Variants in RTN4RL1 observed in about 807,000 individuals in gnomAD.
The protein encoded by RTN4RL1 is reticulon-4 receptor-like 1.
RTN4RL1 carries 7 observed loss-of-function variants against 25.6 expected under a neutral mutation model. The ratio of observed to expected loss-of-function variants is 0.27; its 90% CI spans 0.16 to 0.51. The LOEUF (loss-of-function observed/expected upper bound fraction) is 0.51, where lower values mean the gene tolerates loss of function less well. Among genes scored for constraint, RTN4RL1 ranks in the 20% least tolerant of loss-of-function variants. RTN4RL1 has a pLI of 0.97. For synonymous variants in RTN4RL1, 297 were observed against 288.2 expected (o/e 1.03, Z -0.31); for missense variants, 500 against 615.6 (o/e 0.81, Z 1.99).
In RTN4RL1 at chr17:1,968,391, G is replaced by C. The variant is rs140895085; in HGVS notation, c.14-30583C>G. Among the ~76,000 whole-genome samples, 319 of 152,176 alleles carry C rather than the reference G, an allele frequency of 2.1e-3. 2 individuals carry two copies. The highest frequency in any genetic ancestry group is 7.3e-3 in the African/African-American group (302 of 41,518). ...CCAAGTCCCATAGCTCGGGCCGGCC[G>C]TCCTCTCTCCTGACAGATCAGCTGC... On this transcript the variant is annotated intron_variant, in intron 1 of 1. Transcript: ENST00000331238.
chr17:2,017,903 C>G (rs2067147492), intron 1 of RTN4RL1: 1 of 152,352 alleles, frequency 6.6e-6, no homozygotes, highest in Non-Finnish European at 1.5e-5. Flanking sequence ...GGATTCCACG[C>G]TCCTGCACCC....
intron 1 of RTN4RL1, among the ~76,000 whole-genome samples, chr17:2,014,458 T>G (rs1330318488): frequency 2.0e-5 from 3 of 152,168 alleles, no homozygotes; most frequent in African/African-American, 7.2e-5. Context: ...AGTTGAGACC[T>G]GAGGATGGGA....
In RTN4RL1 at chr17:1,980,926, C is replaced by CAAA. The variant is rs71723916; in HGVS notation, c.14-43121_14-43119dup. 8.3e-3 allele frequency among the ~76,000 whole-genome samples: 722 copies of CAAA among 86,834 alleles called. 13 individuals carry two copies. The highest frequency in any genetic ancestry group is 0.03 in the South Asian group (63 of 2,110). 57.0% of individuals were successfully genotyped at this position (86,834 alleles called of 152,430 possible). On this transcript the variant is annotated intron_variant, in intron 1 of 1. Coordinates refer to ENST00000331238, the MANE Select transcript of RTN4RL1 (RefSeq NM_178568.4). ...TGGGCCACAGAGTGAGATTCTATCT[C>CAAA]AAAAAAAAAAAAAAAAAAAAGAAGT... is the stretch of plus-strand genomic sequence containing the variant.
intron 1 of RTN4RL1, among the ~76,000 whole-genome samples, chr17:1,968,123 G>C (rs1597500522): frequency 6.6e-6 from 1 of 152,250 alleles, no homozygotes; most frequent in South Asian, 2.1e-4. Context: ...ACCGTGACCT[G>C]TGCATATACT....
intron 1 of RTN4RL1, among the ~76,000 whole-genome samples, chr17:1,984,358 G>A (rs773092535): frequency 1.5e-4 from 23 of 152,156 alleles, no homozygotes; most frequent in Non-Finnish European, 2.6e-4. Context: ...TATCCCAGCC[G>A]CTGCTGCTTC....
At chr17:1,959,355 T>G (rs183763535) in intron 1 of RTN4RL1, among the ~76,000 whole-genome samples, 1 of 152,208 alleles carries the variant, frequency 6.6e-6, no homozygotes, top group African/African-American at 2.4e-5. Context: ...CTGGACACAG[T>G]TGGCCCTCCC....
chr17:1,953,044 T>C (rs1162487325), intron 1 of RTN4RL1, among the ~76,000 whole-genome samples: 1 of 151,490 alleles, frequency 6.6e-6, no homozygotes, highest in Non-Finnish European at 1.5e-5. Flanking sequence ...GCCACTGTAT[T>C]CTGGGTGACA....
chr17:1,937,123 G>C lies in RTN4RL1; in HGVS notation c.699C>G (p.Leu233=), dbSNP rs1337613779. 1.2e-6 allele frequency: 2 copies of C among 1,610,548 alleles called. No homozygotes were observed. Among genetic ancestry groups the C allele is most frequent in the Non-Finnish European group, 1.7e-6 (2 of 1,178,882 alleles). ...CCAGGCACTCACCCTGCAGCTCCGA[G>C]AGGCTGTTGTTGAAGAGGAAGAGGG... ...LTTLFLFNNS[L]SELQGECLAP... Residue 233 remains leucine (L), a synonymous_variant, in exon 2 of 2, where the codon CTC becomes CTG. Coordinates refer to ENST00000331238, the MANE Select transcript of RTN4RL1 (RefSeq NM_178568.4).
chr17:1,988,201 G>A (rs571839965), intron 1 of RTN4RL1, among the ~76,000 whole-genome samples: 1 of 152,106 alleles, frequency 6.6e-6, no homozygotes, highest in South Asian at 2.1e-4. Flanking sequence ...GGCAGATCAC[G>A]AGGTCAAGAG....
intron 1 of RTN4RL1, among the ~76,000 whole-genome samples, chr17:2,018,424 T>C (rs2067154891): frequency 1.3e-5 from 2 of 152,064 alleles, no homozygotes; most frequent in Admixed American, 6.5e-5. Flanking sequence ...AGAGGACATA[T>C]GAGACAGCAG....
At chr17:1,999,511 C>T (rs1298798612) in intron 1 of RTN4RL1, among the ~76,000 whole-genome samples, 1 of 152,100 alleles carries the variant, frequency 6.6e-6, no homozygotes, top group Non-Finnish European at 1.5e-5. Flanking sequence ...CGTATGTGCA[C>T]ATGCAGCTCC....
At chr17:1,988,705 T>C (rs923271066) in intron 1 of RTN4RL1, among the ~76,000 whole-genome samples, 10 of 152,086 alleles carry the variant, frequency 6.6e-5, no homozygotes, top group Admixed American at 6.6e-4. Flanking sequence ...TAGGCACTTA[T>C]AACTGGGGGA....
intron 1 of RTN4RL1, among the ~76,000 whole-genome samples, chr17:1,983,881 G>A (rs2066877557): frequency 6.6e-6 from 1 of 152,082 alleles, no homozygotes. Context: ...TTTCATAACG[G>A]GGTCCACAAA....
intron 1 of RTN4RL1, among the ~76,000 whole-genome samples, chr17:1,972,610 G>C (rs114375501): frequency 1.3e-5 from 2 of 151,998 alleles, no homozygotes; most frequent in Non-Finnish European, 2.9e-5. Context: ...AGATTTCCTC[G>C]ACCCTAGCCT....
chr17:1,979,867 T>C lies in RTN4RL1; in HGVS notation c.14-42059A>G, dbSNP rs532719134. ...CCGCTAGGCAGGCCAAGCGTGAAAG[T>C]GCTCAGACCCGGAATTGCGTGGAGA... On this transcript the variant is annotated intron_variant, in intron 1 of 1. Coordinates refer to ENST00000331238, the MANE Select transcript of RTN4RL1 (RefSeq NM_178568.4). Among the ~76,000 whole-genome samples, 49 of 152,158 alleles carry C rather than the reference T, an allele frequency of 3.2e-4. 1 individual carries two copies. The highest frequency in any genetic ancestry group is 1.2e-3 in the African/African-American group (48 of 41,510).
At chr17:1,964,792 T>TC (rs1309707128) in intron 1 of RTN4RL1, among the ~76,000 whole-genome samples, 1 of 95,902 alleles carries the variant, frequency 1.0e-5, no homozygotes, top group African/African-American at 3.5e-5. Flanking sequence ...TCTTTTCTTT[T>TC]TTTTTTTTTT....
Position 1,935,395 on chromosome 17 carries a change from C to CA in RTN4RL1, c.*1100dup, listed in dbSNP as rs1293471739. Reference sequence around the variant, plus strand: ...GGGGTGACAGGGCGCTCCAGGGTGGCAGACAGGCTTGTGTTGCATATAAAA... The same window carrying CA: ...GGGGTGACAGGGCGCTCCAGGGTGGCAAGACAGGCTTGTGTTGCATATAAAA... On this transcript the variant is annotated 3_prime_UTR_variant, in exon 2 of 2. Transcript: ENST00000331238. The CA allele has an allele frequency of 3.6e-5, 9 of 247,404 alleles. No individual in the cohort carries two copies. Among genetic ancestry groups the CA allele is most frequent in the Non-Finnish European group, 5.2e-5 (8 of 154,924 alleles). 15.3% of individuals were successfully genotyped at this position (247,404 alleles called of 1,614,324 possible).
chr17:2,020,948 G>T (rs964368212), intron 1 of RTN4RL1, among the ~76,000 whole-genome samples: 3 of 152,316 alleles, frequency 2.0e-5, no homozygotes, highest in Non-Finnish European at 4.4e-5. Context: ...GATGTTGCCG[G>T]GTGGCTTGGG....
intron 1 of RTN4RL1, among the ~76,000 whole-genome samples, chr17:1,961,678 A>G (rs988293767): frequency 1.3e-5 from 2 of 150,466 alleles, no homozygotes; most frequent in African/African-American, 2.4e-5. Context: ...CTGTAATCCC[A>G]GCACTTTGGG....
Sources: gnomAD v4.1 joint callset for allele counts (sites outside exome capture counted in the v4.1 genomes callset) on GRCh38, gnomAD v4.1.1 for gene constraint, MANE v1.5 for transcripts, NCBI Gene and HGNC (gene_info 2026-07-23, HGNC 2026-07-21) for gene names.